The following RYR3 variants were observed in gnomAD, a reference collection of about 807,000 sequenced individuals.
RYR3 encodes the protein brain ryanodine receptor-calcium release channel.
A neutral mutation model predicts 584.3 loss-of-function variants in RYR3; 207 were observed. The observed-to-expected ratio is 0.35, with a 90% CI of 0.32 to 0.40. RYR3 has a LOEUF of 0.40. RYR3 is among the 10% of genes least tolerant of loss of function. The pLI, the probability that RYR3 is intolerant of heterozygous loss-of-function variation, is 1.00. For synonymous variants in RYR3, 2,416 were observed against 2,248.5 expected (o/e 1.07, Z -2.11); for missense variants, 5,616 against 6,089.2 (o/e 0.92, Z 2.59).
intron 103 of RYR3, chr15:33,864,902 G>A (rs1189277623): frequency 6.2e-6 from 3 of 483,526 alleles, no homozygotes; most frequent in Non-Finnish European, 1.1e-5. Flanking sequence ...TTGCTTGTTT[G>A]GGGCAGAGGG....
intron 5 of RYR3, among the ~76,000 whole-genome samples, chr15:33,537,791 G>A (rs1405058836): frequency 6.6e-6 from 1 of 152,112 alleles, no homozygotes; most frequent in African/African-American, 2.4e-5. Context: ...GACTCTGTAG[G>A]TTCTTTCAAT....
rs1333918917 is a variant in RYR3 at position 33,528,289 on chromosome 15, C to T, written c.280-2303C>T. Among the ~76,000 whole-genome samples, 4 of 152,242 alleles carry T rather than the reference C, an allele frequency of 2.6e-5. No homozygotes were observed. The East Asian group carries it at 7.7e-4, about 29-fold the overall frequency. ...CCTCACCTACATCCTGTGTCATGTCCTTTTACTCCTGTTCATCCACCCCAC... is the reference window on the plus strand; with the variant it reads ...CCTCACCTACATCCTGTGTCATGTCTTTTTACTCCTGTTCATCCACCCCAC... On this transcript the variant is annotated intron_variant, in intron 3 of 103. Transcript: ENST00000634891.
chr15:33,406,308 G>C (rs2043013603), intron 1 of RYR3, among the ~76,000 whole-genome samples: 1 of 152,174 alleles, frequency 6.6e-6, no homozygotes, highest in Non-Finnish European at 1.5e-5. Flanking sequence ...TGGATCTATT[G>C]ATAACAGATG....
chr15:33,836,828 G>A, intron 87 of RYR3, 78 bp from the exon 88 acceptor site: 3 of 1,143,260 alleles, frequency 2.6e-6, no homozygotes, highest in South Asian at 2.7e-5. Flanking sequence ...CCTTTCCAGA[G>A]CAGGCTCTTC....
At chr15:33,404,527 T>C (rs1181622960) in intron 1 of RYR3, among the ~76,000 whole-genome samples, 1 of 152,072 alleles carries the variant, frequency 6.6e-6, no homozygotes, top group South Asian at 2.1e-4. Flanking sequence ...CCAACTAGCA[T>C]ATCAATAAAA....
At chr15:33,818,098 G>A (rs1187646738) in intron 75 of RYR3, among the ~76,000 whole-genome samples, 1 of 152,182 alleles carries the variant, frequency 6.6e-6, no homozygotes, top group Non-Finnish European at 1.5e-5. Flanking sequence ...ATCTAGAATA[G>A]TATTAGACCC....
intron 60 of RYR3, among the ~76,000 whole-genome samples, chr15:33,760,597 C>G (rs979200198): frequency 6.6e-6 from 1 of 152,178 alleles, no homozygotes; most frequent in Admixed American, 6.5e-5. Context: ...CACCCAGACT[C>G]ATAAAGCAAG....
At chr15:33,830,235 G>A (rs1182665870) in intron 85 of RYR3, among the ~76,000 whole-genome samples, 1 of 152,186 alleles carries the variant, frequency 6.6e-6, no homozygotes, top group East Asian at 1.9e-4. Flanking sequence ...CTTATTTCAA[G>A]AAATTGCCAC....
At chr15:33,753,261 A>C (rs544651679) in intron 57 of RYR3, among the ~76,000 whole-genome samples, 2 of 152,250 alleles carry the variant, frequency 1.3e-5, no homozygotes, top group Non-Finnish European at 2.9e-5. Flanking sequence ...ATTAAATTAC[A>C]TAGTAATAAT....
chr15:33,585,366 T>A (rs1382486083), intron 15 of RYR3, among the ~76,000 whole-genome samples: 1 of 152,196 alleles, frequency 6.6e-6, no homozygotes, highest in African/African-American at 2.4e-5. Context: ...TCCCTTGAAT[T>A]TCAATCATGA....
In RYR3 at chr15:33,649,068, A is replaced by G; in HGVS notation, c.3979-4A>G. 1 of 1,612,336 alleles carries G rather than the reference A, an allele frequency of 6.2e-7. No homozygotes were observed. The highest frequency in any genetic ancestry group is 8.5e-7 in the Non-Finnish European group (1 of 1,179,406). ...ATTGACTCCCCTCTGCGGTCTCTCC[A>G]CAGCAGTGCTACTACGCCATCCGCA... is the stretch of plus-strand genomic sequence containing the variant. On this transcript the variant is annotated splice_polypyrimidine_tract_variant and splice_region_variant and intron_variant, in intron 30 of 103. Coordinates refer to ENST00000634891, the MANE Select transcript of RYR3 (RefSeq NM_001036.6).
At chr15:33,320,789 T>C (rs1438083725) in intron 1 of RYR3, among the ~76,000 whole-genome samples, 1 of 152,216 alleles carries the variant, frequency 6.6e-6, no homozygotes, top group Non-Finnish European at 1.5e-5. Context: ...AAATCCTCAA[T>C]AAATATTATT....
At chr15:33,754,982 T>C in intron 57 of RYR3, 83 bp from the exon 58 acceptor site, 1 of 730,168 alleles carries the variant, frequency 1.4e-6, no homozygotes, top group South Asian at 1.6e-5. Flanking sequence ...GGAAATTAAA[T>C]TCAACACTGG....
chr15:33,500,208 CT>C (rs1373797032), intron 2 of RYR3, among the ~76,000 whole-genome samples: 1 of 152,212 alleles, frequency 6.6e-6, no homozygotes, highest in African/African-American at 2.4e-5. Context: ...CCAAAACAGA[CT>C]GCAGTTAACA....
intron 1 of RYR3, among the ~76,000 whole-genome samples, chr15:33,314,115 C>T (rs534561381): frequency 6.6e-6 from 1 of 152,304 alleles, no homozygotes; most frequent in East Asian, 1.9e-4. Flanking sequence ...CACATGTGAA[C>T]TAAATGCTAC....
At chr15:33,648,066 T>C (rs534182090) in intron 30 of RYR3, among the ~76,000 whole-genome samples, 13 of 151,592 alleles carry the variant, frequency 8.6e-5, no homozygotes, top group Non-Finnish European at 1.6e-4. Context: ...AATCCTGAAT[T>C]TGTAGGTTAA....
intron 1 of RYR3, among the ~76,000 whole-genome samples, chr15:33,420,011 G>C (rs577061921): frequency 6.6e-6 from 1 of 152,288 alleles, no homozygotes. Flanking sequence ...ATGATTTAGA[G>C]TCTTCCTCTC....
chr15:33,574,128 C>T (rs566926999), intron 12 of RYR3, among the ~76,000 whole-genome samples: 2 of 152,250 alleles, frequency 1.3e-5, no homozygotes, highest in East Asian at 3.9e-4. Context: ...CTGATAATGG[C>T]AGTGGCAAGG....
chr15:33,590,984 C>A (rs1376761966), intron 16 of RYR3, among the ~76,000 whole-genome samples: 9 of 152,082 alleles, frequency 5.9e-5, no homozygotes, highest in Non-Finnish European at 2.9e-5. Flanking sequence ...GATTTGAGGT[C>A]AAAAAGTTAT....
Sources: allele counts gnomAD v4.1 joint callset (sites outside exome capture counted in the v4.1 genomes callset), GRCh38; gene constraint gnomAD v4.1.1; transcripts MANE v1.5; gene names NCBI Gene and HGNC (gene_info 2026-07-23, HGNC 2026-07-21).